EPHA6: variants seen among roughly 807,000 people sequenced by gnomAD.
EPHA6 encodes the protein EPH receptor A6, also known as ephrin type-A receptor 6.
EPHA6 carries 50 observed loss-of-function variants against 112.0 expected under a neutral mutation model. That is an observed-to-expected ratio of 0.45 (90% CI 0.36 to 0.56). The LOEUF (loss-of-function observed/expected upper bound fraction) is 0.56, where lower values mean the gene tolerates loss of function less well. Among genes scored for constraint, EPHA6 ranks in the 20% least tolerant of loss-of-function variants. The probability of loss-of-function intolerance (pLI) is 0.00; values close to 1 mark genes in which losing one functional copy is unlikely to be tolerated. For missense variants in EPHA6, 1,280 were observed against 1,417.4 expected (o/e 0.90, Z 1.56); for synonymous variants, 529 against 490.7 (o/e 1.08, Z -1.03).
At chr3:96,942,285 T>C (rs992858384) in intron 2 of EPHA6, among the ~76,000 whole-genome samples, 4 of 152,192 alleles carry the variant, frequency 2.6e-5, no homozygotes, top group Non-Finnish European at 5.9e-5. Flanking sequence ...TCCCAGCTGC[T>C]TTGTTTACCT....
intron 5 of EPHA6, among the ~76,000 whole-genome samples, chr3:97,283,478 G>A (rs2080357165): frequency 2.0e-5 from 3 of 151,958 alleles, no homozygotes; most frequent in Admixed American, 1.3e-4. Context: ...ATCTAAACTA[G>A]CCTAGATATG....
intron 4 of EPHA6, among the ~76,000 whole-genome samples, chr3:97,227,340 C>G (rs2078390845): frequency 6.6e-6 from 1 of 151,898 alleles, no homozygotes; most frequent in Non-Finnish European, 1.5e-5. Flanking sequence ...CCTGCCTCAG[C>G]TTCCTGAGTA....
At chr3:97,455,226 T>C (rs11914625) in intron 7 of EPHA6, among the ~76,000 whole-genome samples, 4,670 of 152,136 alleles carry the variant, frequency 0.031, 176 homozygotes, top group African/African-American at 0.098. Flanking sequence ...AGTTCAAACA[T>C]TGAGATTTCA....
chr3:96,824,610 G>T (rs957519900), intron 1 of EPHA6, among the ~76,000 whole-genome samples: 6 of 152,086 alleles, frequency 3.9e-5, no homozygotes, highest in African/African-American at 1.4e-4. Context: ...GCAGGCCACT[G>T]CCCCAACTTG....
Position 96,945,425 on chromosome 3 carries a change from G to A in EPHA6, c.451-41905G>A, listed in dbSNP as rs184158363. Among the ~76,000 whole-genome samples the A allele has an allele frequency of 5.6e-4, 86 of 152,286 alleles. 2 individuals carry two copies. The East Asian group carries it at 0.014, about 25-fold the overall frequency. ...TATCAGCTGACTCATACATGATCAA[G>A]GCTAACGAAAGTTGTGTAAGCCATG... On this transcript the variant is annotated intron_variant, in intron 2 of 17. Transcript: ENST00000389672.
At chr3:97,691,830 G>C (rs2032688717) in intron 14 of EPHA6, among the ~76,000 whole-genome samples, 1 of 152,136 alleles carries the variant, frequency 6.6e-6, no homozygotes, top group Non-Finnish European at 1.5e-5. Context: ...AGCAGAAAAA[G>C]GAGAAAATTC....
chr3:97,719,100 A>AC (rs1292008850), intron 14 of EPHA6, among the ~76,000 whole-genome samples: 65 of 16,290 alleles, frequency 4.0e-3, no homozygotes, highest in East Asian at 3.7e-3. Flanking sequence ...CCCCCCCCCC[A>AC]CCCCCCCCGC....
At position 97,751,877 on chromosome 3, in the gene EPHA6, T is replaced by C. The variant is rs1238642403; in HGVS notation, c.*3176T>C. Among the ~76,000 whole-genome samples the C allele has an allele frequency of 6.6e-6, 1 of 152,124 alleles. No homozygotes were observed. Among genetic ancestry groups the C allele is most frequent in the East Asian group, 1.9e-4 (1 of 5,178 alleles). ...TAAAACCAGACAGTTAAAAAATCATTTTCATTTTATTTCTAGATGGTCAAT... is the reference window on the plus strand; with the variant it reads ...TAAAACCAGACAGTTAAAAAATCATCTTCATTTTATTTCTAGATGGTCAAT... On this transcript the variant is annotated 3_prime_UTR_variant, in exon 18 of 18. Transcript: ENST00000389672.
chr3:97,093,414 ATGGCATGTGCC>A lies in EPHA6; in HGVS notation c.1114+105424_1114+105434del, dbSNP rs201653048. Reference sequence around the variant, plus strand: ...AAAATACAAAAATTAGCCGGTCATGATGGCATGTGCCTGTAATCCCAGCTGCCCAGGAGGCT... The same window carrying A: ...AAAATACAAAAATTAGCCGGTCATGATGTAATCCCAGCTGCCCAGGAGGCT... On this transcript the variant is annotated intron_variant, in intron 3 of 17. Coordinates refer to ENST00000389672, the MANE Select transcript of EPHA6 (RefSeq NM_001080448.3). Among the ~76,000 whole-genome samples the A allele has an allele frequency of 2.9e-3, 445 of 152,010 alleles. 8 individuals are homozygous for A. The East Asian group carries it at 0.057, about 19-fold the overall frequency.
At chr3:97,354,971 AAAAC>A (rs1011505733) in intron 5 of EPHA6, among the ~76,000 whole-genome samples, 5 of 152,122 alleles carry the variant, frequency 3.3e-5, no homozygotes, top group African/African-American at 4.8e-5. Flanking sequence ...GTGCTGAAGG[AAAAC>A]AAACAAACAA....
chr3:97,620,984 T>C (rs182188511), intron 13 of EPHA6, among the ~76,000 whole-genome samples: 5 of 152,122 alleles, frequency 3.3e-5, no homozygotes, highest in Admixed American at 1.3e-4. Context: ...TGCAGCACTA[T>C]ACAAAATTGC....
At chr3:96,916,684 G>A (rs1283296479) in intron 2 of EPHA6, among the ~76,000 whole-genome samples, 1 of 152,108 alleles carries the variant, frequency 6.6e-6, no homozygotes, top group Non-Finnish European at 1.5e-5. Flanking sequence ...TAGGAAGTAA[G>A]TTGGGCCTAA....
intron 1 of EPHA6, among the ~76,000 whole-genome samples, chr3:96,835,609 G>A (rs1410425392): frequency 6.6e-6 from 1 of 151,944 alleles, no homozygotes; most frequent in Non-Finnish European, 1.5e-5. Flanking sequence ...GATAAGAAGA[G>A]CCTTGAATGC....
intron 16 of EPHA6, among the ~76,000 whole-genome samples, chr3:97,741,891 C>G (rs564799898): frequency 1.3e-5 from 2 of 152,138 alleles, no homozygotes; most frequent in Non-Finnish European, 2.9e-5. Flanking sequence ...TCCCAGTAGG[C>G]AAATACTAGA....
At chr3:97,604,673 T>C (rs77414583) in intron 12 of EPHA6, among the ~76,000 whole-genome samples, 6,703 of 151,688 alleles carry the variant, frequency 0.044, 651 homozygotes, top group East Asian at 0.42. Context: ...AACATGATAT[T>C]ATTCTCATTT....
At chr3:97,472,752 T>C (rs2091263750) in intron 7 of EPHA6, among the ~76,000 whole-genome samples, 2 of 151,958 alleles carry the variant, frequency 1.3e-5, no homozygotes, top group African/African-American at 4.8e-5. Flanking sequence ...AATGTTTAAT[T>C]CAACATTATC....
chr3:97,525,506 G>A (rs2092605946), intron 10 of EPHA6, among the ~76,000 whole-genome samples: 2 of 152,044 alleles, frequency 1.3e-5, no homozygotes, highest in African/African-American at 4.8e-5. Flanking sequence ...TTTTGGTGGG[G>A]TTGGTTAGTA....
chr3:97,663,908 A>G (rs2094187766), intron 14 of EPHA6, among the ~76,000 whole-genome samples: 1 of 152,184 alleles, frequency 6.6e-6, no homozygotes, highest in South Asian at 2.1e-4. Context: ...AGGAATTGCC[A>G]CACCGTCTTC....
chr3:96,910,637 T>C (rs1156678314), intron 2 of EPHA6, among the ~76,000 whole-genome samples: 1 of 152,042 alleles, frequency 6.6e-6, no homozygotes, highest in Non-Finnish European at 1.5e-5. Context: ...AAACTTGTTC[T>C]TCTCTTTTCT....
Sources: gnomAD v4.1 joint callset for allele counts (sites outside exome capture counted in the v4.1 genomes callset) on GRCh38, gnomAD v4.1.1 for gene constraint, MANE v1.5 for transcripts, NCBI Gene and HGNC (gene_info 2026-07-23, HGNC 2026-07-21) for gene names.